CCSER2: variants seen among roughly 807,000 people sequenced by gnomAD.
The protein encoded by CCSER2 is serine-rich coiled-coil domain-containing protein 2.
In CCSER2, 46 loss-of-function variants were observed where a neutral mutation model predicts 92.3. The observed-to-expected ratio is 0.50, with a 90% CI of 0.39 to 0.64. The LOEUF is 0.64. CCSER2 is among the 30% of genes least tolerant of loss of function. The pLI is 0.00. For missense variants in CCSER2, 1,244 were observed against 1,238.9 expected (o/e 1.00, Z -0.06); for synonymous variants, 433 against 431.4 (o/e 1.00, Z -0.04).
chr10:84,480,237 G>A lies in CCSER2; in HGVS notation c.2325+2573G>A, dbSNP rs1024775612. ...TTTTTTTATTTTTTGTAGAGACAGG[G>A]GTCTCACACTCCTGGGCTCAGGTGA... On this transcript the variant is annotated intron_variant, in intron 9 of 9. Coordinates refer to ENST00000372088, the MANE Select transcript of CCSER2 (RefSeq NM_001284240.2). Among the ~76,000 whole-genome samples the A allele has an allele frequency of 2.6e-5, 4 of 151,540 alleles. No individual in the cohort carries two copies. The South Asian group carries it at 8.4e-4, about 32-fold the overall frequency.
chr10:84,442,191 A>G (rs1449766347), intron 6 of CCSER2, among the ~76,000 whole-genome samples: 1 of 144,472 alleles, frequency 6.9e-6, no homozygotes, highest in East Asian at 2.0e-4. Flanking sequence ...TTGGACATTC[A>G]GTAAGAAAAG....
chr10:84,338,436 T>G (rs984401372), intron 1 of CCSER2, among the ~76,000 whole-genome samples: 1 of 152,130 alleles, frequency 6.6e-6, no homozygotes, highest in Non-Finnish European at 1.5e-5. Context: ...GGGTCCCAAG[T>G]TTTTACTTTC....
chr10:84,354,552 C>A (rs559546605), intron 1 of CCSER2, among the ~76,000 whole-genome samples: 3 of 138,194 alleles, frequency 2.2e-5, no homozygotes, highest in African/African-American at 5.3e-5. Context: ...CCCCGCCCCC[C>A]GCCCCGCTTC....
chr10:84,391,318 G>A (rs1443751569), intron 3 of CCSER2: 84 of 1,445,942 alleles, frequency 5.8e-5, no homozygotes, highest in Non-Finnish European at 7.4e-5. Context: ...TTGATTTACT[G>A]AGTGGCCTGG....
At chr10:84,451,175 T>C (rs1845260445) in intron 6 of CCSER2, among the ~76,000 whole-genome samples, 1 of 149,528 alleles carries the variant, frequency 6.7e-6, no homozygotes, top group Admixed American at 6.7e-5. Context: ...TGAAAGAGAA[T>C]AGGAAACATA....
chr10:84,370,380 A>ACT (rs1365465981), intron 1 of CCSER2, among the ~76,000 whole-genome samples: 8 of 151,544 alleles, frequency 5.3e-5, no homozygotes, highest in Non-Finnish European at 1.2e-4. Context: ...ATTTTATTTT[A>ACT]TTTTTTTGCA....
intron 6 of CCSER2, among the ~76,000 whole-genome samples, chr10:84,462,999 G>C (rs752055426): frequency 7.2e-5 from 11 of 152,190 alleles, no homozygotes; most frequent in Admixed American, 2.0e-4. Context: ...AACCTCAGTT[G>C]TGCTGCCTTA....
At chr10:84,438,168 A>T (rs1844302180) in intron 5 of CCSER2, among the ~76,000 whole-genome samples, 1 of 152,212 alleles carries the variant, frequency 6.6e-6, no homozygotes. Flanking sequence ...CAAAGTTAAA[A>T]ACTAATGAAC....
At chr10:84,470,675 G>A (rs1307714072) in intron 8 of CCSER2, among the ~76,000 whole-genome samples, 1 of 151,910 alleles carries the variant, frequency 6.6e-6, no homozygotes, top group East Asian at 1.9e-4. Context: ...CATTGATTCA[G>A]CGACCTCAGT....
intron 1 of CCSER2, among the ~76,000 whole-genome samples, chr10:84,342,902 T>A (rs1338588168): frequency 6.6e-6 from 1 of 152,202 alleles, no homozygotes; most frequent in Non-Finnish European, 1.5e-5. Context: ...TCTTTTGAGA[T>A]GGAGTCTCGC....
At chr10:84,383,147 A>C (rs533306591) in intron 3 of CCSER2, among the ~76,000 whole-genome samples, 18 of 149,744 alleles carry the variant, frequency 1.2e-4, no homozygotes, top group African/African-American at 4.6e-4. Flanking sequence ...AGAAGAATAT[A>C]AAAATATCAA....
intron 1 of CCSER2, among the ~76,000 whole-genome samples, chr10:84,337,770 G>A (rs1843921549): frequency 6.6e-6 from 1 of 152,180 alleles, no homozygotes; most frequent in Non-Finnish European, 1.5e-5. Flanking sequence ...AGACAAGTCT[G>A]TCTTTCTCCA....
At chr10:84,401,643 T>G (rs993439445) in intron 3 of CCSER2, among the ~76,000 whole-genome samples, 16 of 152,198 alleles carry the variant, frequency 1.1e-4, no homozygotes, top group African/African-American at 2.4e-5. Context: ...AGACTTTTCC[T>G]GAAAGTAGAA....
At chr10:84,484,561 A>G (rs1218687441) in intron 9 of CCSER2, among the ~76,000 whole-genome samples, 1 of 151,724 alleles carries the variant, frequency 6.6e-6, no homozygotes, top group South Asian at 2.1e-4. Context: ...ATTTGTATTC[A>G]CTATTACTTA....
In CCSER2 at chr10:84,385,004, A is replaced by AACACACACAC. The variant is rs56977232; in HGVS notation, c.1614+11210_1614+11219dup. Among the ~76,000 whole-genome samples the AACACACACAC allele has an allele frequency of 8.1e-3, 1,176 of 145,852 alleles. 8 individuals are homozygous for AACACACACAC. Among genetic ancestry groups the AACACACACAC allele is most frequent in the Middle Eastern group, 0.021 (6 of 280 alleles). On this transcript the variant is annotated intron_variant, in intron 3 of 9. Coordinates refer to ENST00000372088, the MANE Select transcript of CCSER2 (RefSeq NM_001284240.2). ...TGAGAGCTGAAATCAATTTACAATA[A>AACACACACAC]ACACACACACACACACACACACACA...
chr10:84,386,738 C>G (rs1490055397), intron 3 of CCSER2, among the ~76,000 whole-genome samples: 5 of 152,106 alleles, frequency 3.3e-5, no homozygotes, highest in Admixed American at 1.3e-4. Flanking sequence ...CTCCAGAAAA[C>G]AAAACACAAC....
chr10:84,391,927 A>C (rs1841541072), intron 3 of CCSER2: 1 of 1,339,442 alleles, frequency 7.5e-7, no homozygotes, highest in East Asian at 2.3e-5. Flanking sequence ...TCTCAGAGAC[A>C]CATTCGGTGT....
At chr10:84,433,654 T>TA in intron 5 of CCSER2, among the ~76,000 whole-genome samples, 1 of 152,360 alleles carries the variant, frequency 6.6e-6, no homozygotes. Flanking sequence ...ATTAAATAAT[T>TA]ATGCAACAAT....
chr10:84,427,442 G>A (rs978601128), intron 5 of CCSER2, among the ~76,000 whole-genome samples: 9 of 152,148 alleles, frequency 5.9e-5, no homozygotes, highest in Non-Finnish European at 7.3e-5. Context: ...TATTAGAAAG[G>A]TTTGGGTATA....
Sources: allele counts gnomAD v4.1 joint callset (sites outside exome capture counted in the v4.1 genomes callset), GRCh38; gene constraint gnomAD v4.1.1; transcripts MANE v1.5; gene names NCBI Gene and HGNC (gene_info 2026-07-23, HGNC 2026-07-21).